Variants in SORCS2 observed in about 807,000 individuals in gnomAD.
The protein encoded by SORCS2 is VPS10 domain-containing receptor SorCS2.
A neutral mutation model predicts 141.6 loss-of-function variants in SORCS2; 100 were observed. The ratio of observed to expected loss-of-function variants is 0.71; its 90% CI spans 0.60 to 0.83. SORCS2 has a LOEUF of 0.83. Among genes scored for constraint, SORCS2 ranks in the 40% least tolerant of loss-of-function variants. The pLI is 0.00. For missense variants in SORCS2, 1,646 were observed against 1,560.2 expected (o/e 1.05, Z -0.93); for synonymous variants, 789 against 676.9 (o/e 1.17, Z -2.57).
At chr4:7,381,662 T>C (rs554157443) in intron 1 of SORCS2, among the ~76,000 whole-genome samples, 7 of 152,300 alleles carry the variant, frequency 4.6e-5, no homozygotes, top group Middle Eastern at 3.4e-3. Context: ...TTGAAACAAT[T>C]TCCCAGAAGA....
At chr4:7,309,050 C>T (rs1718018834) in intron 1 of SORCS2, among the ~76,000 whole-genome samples, 1 of 152,226 alleles carries the variant, frequency 6.6e-6, no homozygotes, top group Non-Finnish European at 1.5e-5. Context: ...CCATCCTGCC[C>T]TGCACACTGG....
At chr4:7,637,291 C>T (rs899061746) in intron 3 of SORCS2, among the ~76,000 whole-genome samples, 1 of 147,020 alleles carries the variant, frequency 6.8e-6, no homozygotes, top group Non-Finnish European at 1.5e-5. Flanking sequence ...GCCTCCTGCT[C>T]AGTCCCCTAC....
At chr4:7,260,480 C>G (rs1714248488) in intron 1 of SORCS2, among the ~76,000 whole-genome samples, 1 of 152,202 alleles carries the variant, frequency 6.6e-6, no homozygotes. Context: ...ACAAACATGT[C>G]ATTTGCTTTA....
intron 1 of SORCS2, among the ~76,000 whole-genome samples, chr4:7,248,336 T>G (rs1560139105): frequency 2.0e-5 from 3 of 151,886 alleles, no homozygotes. Flanking sequence ...CAGGTCACCG[T>G]GGGGGGGCCC....
At chr4:7,406,426 C>G (rs936253104) in intron 2 of SORCS2, among the ~76,000 whole-genome samples, 2 of 142,970 alleles carry the variant, frequency 1.4e-5, no homozygotes, top group African/African-American at 5.2e-5. Flanking sequence ...TAATTGTTGA[C>G]TTATTGAGGT....
intron 3 of SORCS2, among the ~76,000 whole-genome samples, chr4:7,624,205 A>G (rs1415530102): frequency 2.0e-5 from 3 of 152,046 alleles, no homozygotes; most frequent in African/African-American, 4.8e-5. Context: ...ATCACTGCAG[A>G]CCCTGACTGG....
Position 7,738,279 on chromosome 4 carries a change from C to T in SORCS2, c.3415+1107C>T, listed in dbSNP as rs906030347. Among the ~76,000 whole-genome samples, 8 of 152,362 alleles carry T rather than the reference C, an allele frequency of 5.3e-5. 1 individual carries two copies. The highest frequency in any genetic ancestry group is 7.2e-5 in the African/African-American group (3 of 41,590). On this transcript the variant is annotated intron_variant, in intron 26 of 26. Transcript: ENST00000507866. ...GTGGCACCAGCCCTGCATGCCGTGT[C>T]GGGCAAGTGCCGCCGGCAGCCAGGC...
At chr4:7,640,024 TG>T (rs1720563820) in intron 4 of SORCS2, among the ~76,000 whole-genome samples, 2 of 147,696 alleles carry the variant, frequency 1.4e-5, no homozygotes, top group African/African-American at 4.9e-5. Context: ...TGTGGGAGTG[TG>T]TACGTGAGTG....
chr4:7,399,852 C>G lies in SORCS2; in HGVS notation c.548+3497C>G, dbSNP rs531263336. Among the ~76,000 whole-genome samples the G allele has an allele frequency of 5.9e-4, 90 of 152,270 alleles. 1 individual carries two copies. The South Asian group carries it at 9.5e-3, about 16-fold the overall frequency. Reference sequence around the variant, plus strand: ...GGAAGGCGTGAGTTCAAGGTAGGTCCTCCCAGAGGTTTTCCCCGGGAGAGG... The same window carrying G: ...GGAAGGCGTGAGTTCAAGGTAGGTCGTCCCAGAGGTTTTCCCCGGGAGAGG... On this transcript the variant is annotated intron_variant, in intron 2 of 26. Transcript: ENST00000507866.
At chr4:7,346,913 A>G (rs1720683167) in intron 1 of SORCS2, among the ~76,000 whole-genome samples, 1 of 152,166 alleles carries the variant, frequency 6.6e-6, no homozygotes, top group Non-Finnish European at 1.5e-5. Context: ...ATTTCATGAG[A>G]TCAGGGAGCA....
At chr4:7,454,686 C>G (rs1208884919) in intron 2 of SORCS2, among the ~76,000 whole-genome samples, 1 of 104,052 alleles carries the variant, frequency 9.6e-6, no homozygotes, top group Admixed American at 1.0e-4. Context: ...GGGTCAGGCT[C>G]CGTGTTGGGG....
chr4:7,272,324 T>G (rs1421932755), intron 1 of SORCS2, among the ~76,000 whole-genome samples: 1 of 152,248 alleles, frequency 6.6e-6, no homozygotes, highest in African/African-American at 2.4e-5. Flanking sequence ...CTCTCTTGGA[T>G]GCACTCTAAG....
intron 3 of SORCS2, among the ~76,000 whole-genome samples, chr4:7,625,338 G>A (rs1719449051): frequency 1.3e-5 from 2 of 152,096 alleles, no homozygotes; most frequent in Non-Finnish European, 2.9e-5. Context: ...AAATTGTTTG[G>A]TCTTGAGTGG....
At chr4:7,528,278 G>C (rs1217389556) in intron 2 of SORCS2, among the ~76,000 whole-genome samples, 2 of 152,184 alleles carry the variant, frequency 1.3e-5, no homozygotes, top group Non-Finnish European at 2.9e-5. Context: ...GAATGAATGG[G>C]TGAGTGGGTG....
chr4:7,437,972 T>A (rs143339371), intron 2 of SORCS2, among the ~76,000 whole-genome samples: 6 of 152,332 alleles, frequency 3.9e-5, no homozygotes, highest in African/African-American at 1.4e-4. Flanking sequence ...TTGTATCTCT[T>A]TACCCCAGTT....
chr4:7,399,672 C>G (rs1724444864), intron 2 of SORCS2, among the ~76,000 whole-genome samples: 1 of 152,160 alleles, frequency 6.6e-6, no homozygotes, highest in South Asian at 2.1e-4. Flanking sequence ...TTGAAGTGTG[C>G]AGGGCGTGCT....
intron 3 of SORCS2, among the ~76,000 whole-genome samples, chr4:7,622,500 G>A (rs948422756): frequency 6.6e-6 from 1 of 152,148 alleles, no homozygotes; most frequent in African/African-American, 2.4e-5. Context: ...TGGTCCAGCC[G>A]GCCCCTCTGC....
At position 7,212,569 on chromosome 4, in the gene SORCS2, G is replaced by T. The variant is rs1024913688; in HGVS notation, c.480+19443G>T. Among the ~76,000 whole-genome samples the T allele has an allele frequency of 3.3e-5, 5 of 152,306 alleles. No homozygotes were observed. In the East Asian group the frequency reaches 5.8e-4, roughly 18 times the overall value. On this transcript the variant is annotated intron_variant, in intron 1 of 26. Transcript: ENST00000507866. ...CTGGGTTCTGTTTTCACTGCATGTT[G>T]GCTTCCTTCTCAGGCAGTCCTCCCA...
intron 1 of SORCS2, among the ~76,000 whole-genome samples, chr4:7,290,387 G>T (rs780067615): frequency 2.6e-5 from 4 of 152,206 alleles, no homozygotes; most frequent in Non-Finnish European, 5.9e-5. Context: ...CTCCCACGGG[G>T]TGCTCAGGGC....
Sources: gnomAD v4.1 joint callset for allele counts (sites outside exome capture counted in the v4.1 genomes callset) on GRCh38, gnomAD v4.1.1 for gene constraint, MANE v1.5 for transcripts, NCBI Gene and HGNC (gene_info 2026-07-23, HGNC 2026-07-21) for gene names.